ADCY2: variants seen among roughly 807,000 people sequenced by gnomAD.
ADCY2 encodes the protein adenylate cyclase type 2.
ADCY2 carries 31 observed loss-of-function variants against 125.2 expected under a neutral mutation model. That is an observed-to-expected ratio of 0.25 (90% CI 0.19 to 0.33). ADCY2 has a LOEUF of 0.33. ADCY2 is among the 10% of genes least tolerant of loss of function. The pLI, the probability that ADCY2 is intolerant of heterozygous loss-of-function variation, is 1.00. For missense variants in ADCY2, 904 were observed against 1,418.2 expected, an observed-to-expected ratio of 0.64 and a Z score of 5.82; for synonymous variants, 512 against 548.4, an observed-to-expected ratio of 0.93 and a Z score of 0.93.
intron 14 of ADCY2, among the ~76,000 whole-genome samples, chr5:7,728,701 T>C (rs1389358556): frequency 3.3e-5 from 5 of 152,094 alleles, no homozygotes; most frequent in Non-Finnish European, 7.4e-5. Flanking sequence ...AGGGAATGGG[T>C]CCTTATTGTT....
At chr5:7,661,327 C>G (rs1739521685) in intron 4 of ADCY2, among the ~76,000 whole-genome samples, 1 of 152,070 alleles carries the variant, frequency 6.6e-6, no homozygotes, top group South Asian at 2.1e-4. Context: ...ATACTTTAAA[C>G]CTTTAATATT....
At chr5:7,640,784 A>G (rs933615713) in intron 4 of ADCY2, among the ~76,000 whole-genome samples, 18 of 152,188 alleles carry the variant, frequency 1.2e-4, no homozygotes, top group African/African-American at 4.1e-4. Flanking sequence ...GGTATTTCAT[A>G]GGTGTTGTCT....
At position 7,712,893 on chromosome 5, in the gene ADCY2, C is replaced by T. The variant is rs1741484218; in HGVS notation, c.1616C>T (p.Thr539Ile). Residue 539 changes from threonine (T) to isoleucine (I), a missense_variant, in exon 11 of 25, where the codon ACC (threonine) becomes ATC (isoleucine). Transcript: ENST00000338316. ...PMGQHNFQNR[T>I]LRTKSQKKRF... ...GGTCAGCATAATTTTCAAAATCGCA[C>T]CTTAAGGTATGGTATCTCTCTATCT... 1 of 1,606,246 alleles carries T rather than the reference C, an allele frequency of 6.2e-7. No homozygotes were observed.
intron 15 of ADCY2, among the ~76,000 whole-genome samples, chr5:7,751,717 AGTCTTAG>A (rs1742830267): frequency 6.6e-6 from 1 of 152,096 alleles, no homozygotes; most frequent in African/African-American, 2.4e-5. Context: ...TTTATTCAAG[AGTCTTAG>A]TTGCAGCTGT....
At chr5:7,442,496 T>C (rs983919518) in intron 2 of ADCY2, among the ~76,000 whole-genome samples, 1 of 152,274 alleles carries the variant, frequency 6.6e-6, no homozygotes. Flanking sequence ...TGTGTTCCCC[T>C]GGTTGTGATC....
chr5:7,664,923 A>G (rs116514018), intron 4 of ADCY2, among the ~76,000 whole-genome samples: 1,679 of 152,332 alleles, frequency 0.011, 32 homozygotes, highest in African/African-American at 0.038. Context: ...GTCTTCAGAT[A>G]AACTCAAACC....
intron 3 of ADCY2, among the ~76,000 whole-genome samples, chr5:7,611,774 A>T (rs902945356): frequency 5.3e-5 from 8 of 152,188 alleles, no homozygotes; most frequent in Non-Finnish European, 1.2e-4. Flanking sequence ...TATGGAAAAC[A>T]CTGTCATGCT....
intron 3 of ADCY2, among the ~76,000 whole-genome samples, chr5:7,597,423 G>A (rs1737043931): frequency 6.6e-6 from 1 of 152,194 alleles, no homozygotes; most frequent in Non-Finnish European, 1.5e-5. Context: ...TGCTTACAGG[G>A]TTTAACCCTG....
At chr5:7,471,705 T>C (rs1484209844) in intron 2 of ADCY2, among the ~76,000 whole-genome samples, 1 of 137,690 alleles carries the variant, frequency 7.3e-6, no homozygotes, top group Non-Finnish European at 1.6e-5. Flanking sequence ...GATCCAAGTT[T>C]CTGTACTGTA....
intron 4 of ADCY2, among the ~76,000 whole-genome samples, chr5:7,631,968 A>G (rs567207711): frequency 6.6e-6 from 1 of 152,184 alleles, no homozygotes; most frequent in East Asian, 1.9e-4. Flanking sequence ...GTTTTACCCA[A>G]TTGTCTTCAC....
chr5:7,773,171 G>T, intron 18 of ADCY2, 70 bp downstream of exon 18: 1 of 1,468,364 alleles, frequency 6.8e-7, no homozygotes. Flanking sequence ...AGTGTGTGTT[G>T]AGTAAATGCA....
chr5:7,729,231 T>A (rs1742021907), intron 14 of ADCY2, among the ~76,000 whole-genome samples: 1 of 152,178 alleles, frequency 6.6e-6, no homozygotes, highest in South Asian at 2.1e-4. Flanking sequence ...CTAGGAAATA[T>A]TTCAAAGATA....
intron 2 of ADCY2, among the ~76,000 whole-genome samples, chr5:7,500,367 G>A (rs1419704737): frequency 1.1e-4 from 17 of 152,236 alleles, no homozygotes; most frequent in Non-Finnish European, 2.5e-4. Flanking sequence ...GGCTTCACAG[G>A]GTAACTTACT....
chr5:7,674,726 CA>C (rs1740058129), intron 4 of ADCY2, among the ~76,000 whole-genome samples: 1 of 152,176 alleles, frequency 6.6e-6, no homozygotes, highest in Non-Finnish European at 1.5e-5. Context: ...AAGTCAAGCA[CA>C]CCTCCATCTT....
intron 3 of ADCY2, among the ~76,000 whole-genome samples, chr5:7,554,252 GTAAA>G (rs1735434883): frequency 6.6e-6 from 1 of 152,168 alleles, no homozygotes; most frequent in Non-Finnish European, 1.5e-5. Context: ...CGAAAAGTAA[GTAAA>G]TAAAGGGATT....
intron 4 of ADCY2, among the ~76,000 whole-genome samples, chr5:7,650,485 C>T (rs142473197): frequency 6.6e-5 from 10 of 152,212 alleles, no homozygotes; most frequent in African/African-American, 1.7e-4. Context: ...CTTTACAGTA[C>T]GAACTATATA....
intron 2 of ADCY2, among the ~76,000 whole-genome samples, chr5:7,498,162 TATAGAG>T (rs1743405729): frequency 6.7e-6 from 1 of 150,238 alleles, no homozygotes; most frequent in Admixed American, 6.7e-5. Flanking sequence ...TTTCTGAAAA[TATAGAG>T]ATAATCAAAC....
intron 4 of ADCY2, among the ~76,000 whole-genome samples, chr5:7,673,258 A>T (rs1561158683): frequency 1.9e-5 from 1 of 53,466 alleles, no homozygotes; most frequent in Non-Finnish European, 3.7e-5. Flanking sequence ...AAAAAAAAAA[A>T]AAAAAAAAAA....
At chr5:7,614,962 GC>G (rs1223303449) in intron 3 of ADCY2, among the ~76,000 whole-genome samples, 1 of 152,128 alleles carries the variant, frequency 6.6e-6, no homozygotes, top group Non-Finnish European at 1.5e-5. Flanking sequence ...TAATTGACTC[GC>G]CATTCTGCAG....
Sources: gnomAD v4.1 joint callset for allele counts (sites outside exome capture counted in the v4.1 genomes callset) on GRCh38, gnomAD v4.1.1 for gene constraint, MANE v1.5 for transcripts, NCBI Gene and HGNC (gene_info 2026-07-23, HGNC 2026-07-21) for gene names.